The following MDGA2 variants were observed in gnomAD, a reference collection of about 807,000 sequenced individuals.
The protein encoded by MDGA2 is MAM domain-containing glycosylphosphatidylinositol anchor protein 2.
In MDGA2, 40 loss-of-function variants were observed where a neutral mutation model predicts 117.8. The ratio of observed to expected loss-of-function variants is 0.34; its 90% CI spans 0.26 to 0.44. MDGA2 has a LOEUF of 0.44. Among genes scored for constraint, MDGA2 ranks in the 20% least tolerant of loss-of-function variants. MDGA2 has a pLI of 1.00. For missense variants in MDGA2, 1,123 were observed against 1,250.6 expected (o/e 0.90, Z 1.54); for synonymous variants, 452 against 439.0 (o/e 1.03, Z -0.37).
chr14:47,528,916 T>A (rs911252389), intron 1 of MDGA2, among the ~76,000 whole-genome samples: 1 of 152,070 alleles, frequency 6.6e-6, no homozygotes, highest in East Asian at 1.9e-4. Flanking sequence ...CTATATATAT[T>A]CCAAAAAATA....
At chr14:47,164,858 C>T (rs1883797644) in intron 3 of MDGA2, among the ~76,000 whole-genome samples, 1 of 152,138 alleles carries the variant, frequency 6.6e-6, no homozygotes. Flanking sequence ...ACCCAAATGT[C>T]CAACAATGAT....
At chr14:46,906,910 TTACCAATTGAC>T (rs1485026230) in intron 10 of MDGA2, among the ~76,000 whole-genome samples, 1 of 151,968 alleles carries the variant, frequency 6.6e-6, no homozygotes, top group African/African-American at 2.4e-5. Flanking sequence ...CATAGATTAA[TTACCAATTGAC>T]TGCCATTAAG....
chr14:47,488,946 T>A (rs2138649219), intron 1 of MDGA2, among the ~76,000 whole-genome samples: 1 of 152,138 alleles, frequency 6.6e-6, no homozygotes. Flanking sequence ...TCTGATAATT[T>A]GCAAAACAAC....
rs534591756 is a variant in MDGA2 at position 47,387,346 on chromosome 14, T to C, written c.281-85796A>G. 4.6e-5 allele frequency among the ~76,000 whole-genome samples: 7 copies of C among 152,090 alleles called. No homozygotes were observed. In the South Asian group the frequency reaches 1.5e-3, roughly 32 times the overall value. ...CCCCCAAACCCACCCCTCTATCTTT[T>C]AGAGGGAAAGGATGGAAGCTGGAGG... On this transcript the variant is annotated intron_variant, in intron 1 of 16. Transcript: ENST00000399232.
chr14:46,881,008 TAACACA>T (rs1384105443), intron 11 of MDGA2, among the ~76,000 whole-genome samples: 2 of 45,088 alleles, frequency 4.4e-5, no homozygotes, highest in Non-Finnish European at 1.1e-4. Flanking sequence ...AAACTATCAC[TAACACA>T]CACACACACA....
chr14:47,575,826 G>A (rs1896106333), intron 1 of MDGA2, among the ~76,000 whole-genome samples: 1 of 151,922 alleles, frequency 6.6e-6, no homozygotes, highest in Non-Finnish European at 1.5e-5. Flanking sequence ...AATTTTGAAG[G>A]TCACATAAAA....
intron 8 of MDGA2, among the ~76,000 whole-genome samples, chr14:46,999,140 C>A (rs1887410426): frequency 6.6e-6 from 1 of 151,572 alleles, no homozygotes; most frequent in African/African-American, 2.4e-5. Flanking sequence ...AAATACAGCA[C>A]CTTAAAATAC....
intron 10 of MDGA2, among the ~76,000 whole-genome samples, chr14:46,887,597 A>C (rs1426703031): frequency 1.3e-5 from 2 of 152,000 alleles, no homozygotes; most frequent in African/African-American, 4.8e-5. Flanking sequence ...ACAGTCACTG[A>C]ATTTACATAC....
intron 10 of MDGA2, among the ~76,000 whole-genome samples, chr14:46,897,481 G>C (rs979092909): frequency 5.3e-5 from 8 of 151,958 alleles, no homozygotes; most frequent in South Asian, 2.1e-4. Context: ...GCACAATATC[G>C]TAGATTGATT....
At chr14:47,055,568 TTAA>T (rs1555347488) in intron 7 of MDGA2, among the ~76,000 whole-genome samples, 1 of 152,164 alleles carries the variant, frequency 6.6e-6, no homozygotes, top group Non-Finnish European at 1.5e-5. Context: ...ATAAAATGTA[TTAA>T]TGTTTGTATA....
intron 6 of MDGA2, among the ~76,000 whole-genome samples, chr14:47,075,112 G>C (rs76554068): frequency 0.017 from 2,632 of 151,996 alleles, 61 homozygotes; most frequent in African/African-American, 0.06. Flanking sequence ...ATGACATCTT[G>C]TCCATGCTCT....
chr14:47,411,957 G>T (rs935096162), intron 1 of MDGA2, among the ~76,000 whole-genome samples: 1 of 152,148 alleles, frequency 6.6e-6, no homozygotes, highest in Non-Finnish European at 1.5e-5. Context: ...CTCTTACTAG[G>T]AGTACTGCTG....
intron 1 of MDGA2, among the ~76,000 whole-genome samples, chr14:47,601,801 A>T (rs900878098): frequency 1.3e-5 from 2 of 152,198 alleles, no homozygotes; most frequent in African/African-American, 2.4e-5. Flanking sequence ...CCCAGTGCAT[A>T]TGAAAGCGAG....
At chr14:47,133,798 T>C (rs775521152) in intron 4 of MDGA2, among the ~76,000 whole-genome samples, 5 of 152,032 alleles carry the variant, frequency 3.3e-5, no homozygotes, top group African/African-American at 4.8e-5. Flanking sequence ...AGTATCTCTG[T>C]CTCTCAGCTA....
chr14:47,544,593 G>C (rs1471847074), intron 1 of MDGA2, among the ~76,000 whole-genome samples: 1 of 152,098 alleles, frequency 6.6e-6, no homozygotes, highest in Non-Finnish European at 1.5e-5. Flanking sequence ...CTATTGGTTG[G>C]TTTATTTTTT....
chr14:47,171,821 C>T (rs184656595), intron 3 of MDGA2, among the ~76,000 whole-genome samples: 21 of 152,234 alleles, frequency 1.4e-4, no homozygotes, highest in South Asian at 1.0e-3. Context: ...GCACACCATG[C>T]GCGAGCTGAA....
chr14:47,338,758 G>A (rs2139937744), intron 1 of MDGA2, among the ~76,000 whole-genome samples: 1 of 152,154 alleles, frequency 6.6e-6, no homozygotes, highest in Non-Finnish European at 1.5e-5. Context: ...CTATTTCACA[G>A]AAGGCATGTT....
At chr14:46,938,996 C>T (rs1002761520) in intron 9 of MDGA2, among the ~76,000 whole-genome samples, 7 of 151,922 alleles carry the variant, frequency 4.6e-5, no homozygotes, top group South Asian at 2.1e-4. Flanking sequence ...TTATGTTAAG[C>T]GAAATAAGCA....
chr14:47,540,563 T>C (rs111542960), intron 1 of MDGA2, among the ~76,000 whole-genome samples: 6,839 of 111,916 alleles, frequency 0.061, 621 homozygotes, highest in African/African-American at 0.17. Flanking sequence ...TGTATATATA[T>C]ACACACACAC....
Sources: gnomAD v4.1 joint callset for allele counts (sites outside exome capture counted in the v4.1 genomes callset) on GRCh38, gnomAD v4.1.1 for gene constraint, MANE v1.5 for transcripts, NCBI Gene and HGNC (gene_info 2026-07-23, HGNC 2026-07-21) for gene names.